Variants in EPM2A observed in about 807,000 individuals in gnomAD.
EPM2A encodes the protein laforin.
A neutral mutation model predicts 26.5 loss-of-function variants in EPM2A; 21 were observed. The observed-to-expected ratio is 0.79, with a 90% confidence interval of 0.56 to 1.14. The LOEUF is 1.14. Ranked by LOEUF, EPM2A falls within the 50% of genes most tolerant of loss-of-function variation. The pLI is 0.00. For synonymous variants in EPM2A, 217 were observed against 177.6 expected, an observed-to-expected ratio of 1.22 and a Z score of -1.76; for missense variants, 458 against 440.8, an observed-to-expected ratio of 1.04 and a Z score of -0.35.
At chr6:145,672,031 C>A (rs370638791) in intron 2 of EPM2A, among the ~76,000 whole-genome samples, 2 of 152,176 alleles carry the variant, frequency 1.3e-5, no homozygotes, top group East Asian at 1.9e-4. Flanking sequence ...AATATCCATT[C>A]TTTTGCATGA....
At chr6:145,568,119 G>C (rs1443018307) in intron 2 of EPM2A, among the ~76,000 whole-genome samples, 1 of 152,098 alleles carries the variant, frequency 6.6e-6, no homozygotes, top group Non-Finnish European at 1.5e-5. Flanking sequence ...ATTATGATAG[G>C]TCTATAATAA....
At chr6:145,451,760 A>G (rs1275906449) in intron 4 of EPM2A, among the ~76,000 whole-genome samples, 1 of 152,232 alleles carries the variant, frequency 6.6e-6, no homozygotes, top group East Asian at 1.9e-4. Context: ...TTATTTTTTA[A>G]TGAATTAAGA....
intron 4 of EPM2A, among the ~76,000 whole-genome samples, chr6:145,433,002 A>G (rs371708783): frequency 4.6e-5 from 7 of 152,148 alleles, no homozygotes; most frequent in African/African-American, 1.2e-4. Flanking sequence ...CAGACTTCAT[A>G]TAATAGAAGA....
Position 145,627,555 on chromosome 6 carries a change from C to A in EPM2A, c.857G>T (p.Gly286Val). 1 of 1,614,250 alleles carries A rather than the reference C, an allele frequency of 6.2e-7. No individual in the cohort carries two copies. Among genetic ancestry groups the A allele is most frequent in the Non-Finnish European group, 8.5e-7 (1 of 1,180,048 alleles). The change falls in exon 4 of 4, where the codon GGC becomes GTC. Residue 286 changes from glycine to valine, a missense_variant. Transcript: ENST00000367519. The stretch of plus-strand genomic sequence containing the variant: ...ATACTGCACCTTCCTCAGATTCCAG[C>A]CCATCACATACTGGAGCCAGCCGCA... ...AVCGWLQYVMGWNLRKVQYFL... is the reference protein window; with the variant it reads ...AVCGWLQYVMVWNLRKVQYFL...
chr6:145,385,324 T>C (rs769383477), intron 4 of EPM2A, among the ~76,000 whole-genome samples: 3 of 150,896 alleles, frequency 2.0e-5, no homozygotes, highest in Non-Finnish European at 3.0e-5. Context: ...ACATATTTGG[T>C]TTGGAATTTT....
intron 4 of EPM2A, among the ~76,000 whole-genome samples, chr6:145,428,818 A>AT (rs1778885829): frequency 2.0e-5 from 3 of 152,360 alleles, no homozygotes; most frequent in East Asian, 1.9e-4. Flanking sequence ...CTCAAGGACC[A>AT]TTTGGAAGCC....
chr6:145,494,332 C>T (rs2114744366), intron 4 of EPM2A, among the ~76,000 whole-genome samples: 1 of 152,068 alleles, frequency 6.6e-6, no homozygotes, highest in South Asian at 2.1e-4. Flanking sequence ...TGGTAATATC[C>T]CCTTTATCAT....
chr6:145,520,562 C>T (rs1270575339), intron 2 of EPM2A, among the ~76,000 whole-genome samples: 1 of 152,166 alleles, frequency 6.6e-6, no homozygotes, highest in South Asian at 2.1e-4. Flanking sequence ...AATAGAGACA[C>T]GTTATTTTGT....
intron 1 of EPM2A, among the ~76,000 whole-genome samples, chr6:145,715,059 A>G (rs889141186): frequency 2.6e-5 from 4 of 152,206 alleles, no homozygotes; most frequent in African/African-American, 7.2e-5. Context: ...AAATGATCAC[A>G]AACAGGGAGG....
chr6:145,664,961 C>T (rs1241917025), intron 2 of EPM2A, among the ~76,000 whole-genome samples: 1 of 127,720 alleles, frequency 7.8e-6, no homozygotes, highest in Non-Finnish European at 1.6e-5. Context: ...TTCTTTGAAA[C>T]CAACGAGAAC....
At chr6:145,689,000 T>C (rs1226467544) in intron 1 of EPM2A, among the ~76,000 whole-genome samples, 1 of 152,208 alleles carries the variant, frequency 6.6e-6, no homozygotes, top group Non-Finnish European at 1.5e-5. Context: ...GTCAGTATAA[T>C]TGACTTACAA....
intron 4 of EPM2A, among the ~76,000 whole-genome samples, chr6:145,410,461 A>C (rs1562324399): frequency 6.6e-6 from 1 of 152,214 alleles, no homozygotes; most frequent in Non-Finnish European, 1.5e-5. Flanking sequence ...GACATGATGA[A>C]ATTAATACTG....
intron 4 of EPM2A, among the ~76,000 whole-genome samples, chr6:145,457,838 G>T (rs1230564955): frequency 6.6e-6 from 1 of 152,170 alleles, no homozygotes; most frequent in Admixed American, 6.5e-5. Context: ...TTTGTAATAT[G>T]TGTCAAGATA....
intron 4 of EPM2A, among the ~76,000 whole-genome samples, chr6:145,434,907 C>G (rs1163569747): frequency 6.6e-6 from 1 of 151,944 alleles, no homozygotes; most frequent in Non-Finnish European, 1.5e-5. Context: ...GCAGATCCCT[C>G]ATGGCTTGGT....
At chr6:145,661,931 A>C (rs146314529) in intron 2 of EPM2A, among the ~76,000 whole-genome samples, 5 of 152,328 alleles carry the variant, frequency 3.3e-5, no homozygotes, top group Non-Finnish European at 5.9e-5. Flanking sequence ...TGAAGTAAAA[A>C]AAACTCATCA....
chr6:145,700,915 T>G (rs1465251602), intron 1 of EPM2A, among the ~76,000 whole-genome samples: 1 of 152,168 alleles, frequency 6.6e-6, no homozygotes, highest in South Asian at 2.1e-4. Context: ...ACACATTGCT[T>G]TCTTCCATGG....
chr6:145,672,271 T>A (rs1779701119), intron 2 of EPM2A, among the ~76,000 whole-genome samples: 1 of 152,232 alleles, frequency 6.6e-6, no homozygotes, highest in African/African-American at 2.4e-5. Flanking sequence ...ACATCTAGAA[T>A]CTTTCACCAA....
At chr6:145,644,619 C>A (rs1473056611) in intron 2 of EPM2A, among the ~76,000 whole-genome samples, 1 of 152,082 alleles carries the variant, frequency 6.6e-6, no homozygotes, top group East Asian at 1.9e-4. Context: ...AACACTTCCT[C>A]TTCCCTATGA....
intron 2 of EPM2A, among the ~76,000 whole-genome samples, chr6:145,667,431 C>T (rs1370467692): frequency 6.9e-6 from 1 of 145,916 alleles, no homozygotes; most frequent in Non-Finnish European, 1.5e-5. Context: ...TCATCACTGG[C>T]CATCAGAGAA....
Sources: gnomAD v4.1 joint callset for allele counts (sites outside exome capture counted in the v4.1 genomes callset) on GRCh38, gnomAD v4.1.1 for gene constraint, MANE v1.5 for transcripts, NCBI Gene and HGNC (gene_info 2026-07-23, HGNC 2026-07-21) for gene names.